CHLSN: variants seen among roughly 807,000 people sequenced by gnomAD.
CHLSN encodes cholesin.
chr7:1,038,572 G>A, the CHLSN span, among the ~76,000 whole-genome samples: 6 of 107,306 alleles, frequency 5.6e-5, no homozygotes, highest in Non-Finnish European at 1.0e-4. Context: ...CCGTCCGGGA[G>A]GTGAGGGGCG....
chr7:1,044,800 C>G, the CHLSN span: 1 of 152,264 alleles, frequency 6.6e-6, no homozygotes. Flanking sequence ...CCGCTGCCCA[C>G]TGCGGGGCTC....
At chr7:1,000,749 C>T in the CHLSN span, among the ~76,000 whole-genome samples, 14 of 152,184 alleles carry the variant, frequency 9.2e-5, no homozygotes, top group African/African-American at 2.2e-4. Flanking sequence ...GCCCTGCTGC[C>T]GCCTGACCAG....
the CHLSN span, among the ~76,000 whole-genome samples, chr7:1,001,593 T>G: frequency 2.5e-5 from 2 of 80,826 alleles, no homozygotes; most frequent in Non-Finnish European, 4.7e-5. Context: ...GTGAGTGGAG[T>G]CCTGCGGGTG....
At chr7:1,002,289 T>C in the CHLSN span, among the ~76,000 whole-genome samples, 1 of 97,248 alleles carries the variant, frequency 1.0e-5, no homozygotes, top group African/African-American at 4.1e-5. Flanking sequence ...GTGAGTGGAA[T>C]CCTGTGGGTG....
the CHLSN span, chr7:987,668 T>C: frequency 1.1e-6 from 1 of 894,808 alleles, no homozygotes; most frequent in Middle Eastern, 3.6e-4. Context: ...ATAAAGGGCG[T>C]CCAGCCAGGA....
At chr7:1,007,391 C>T in the CHLSN span, among the ~76,000 whole-genome samples, 5 of 152,356 alleles carry the variant, frequency 3.3e-5, no homozygotes, top group South Asian at 2.1e-4. Flanking sequence ...GTGGGCCAGC[C>T]GTGGCGTGGC....
chr7:1,131,915 C>T, the CHLSN span, among the ~76,000 whole-genome samples: 2 of 152,178 alleles, frequency 1.3e-5, no homozygotes, highest in African/African-American at 4.8e-5. Flanking sequence ...ATGACGTTTA[C>T]TTTCATTTAC....
the CHLSN span, among the ~76,000 whole-genome samples, chr7:1,099,724 G>A: frequency 6.6e-6 from 1 of 152,248 alleles, no homozygotes; most frequent in Non-Finnish European, 1.5e-5. Flanking sequence ...GGGTCAGGCT[G>A]CCTGGGCGTT....
At chr7:1,137,583 C>G in the CHLSN span, 1 of 152,208 alleles carries the variant, frequency 6.6e-6, no homozygotes, top group African/African-American at 2.4e-5. Flanking sequence ...GAGGATCCAT[C>G]GCTTGAGCCC....
the CHLSN span, among the ~76,000 whole-genome samples, chr7:1,109,920 C>T: frequency 2.0e-5 from 3 of 152,222 alleles, no homozygotes; most frequent in African/African-American, 7.2e-5. Flanking sequence ...CTAACTACCT[C>T]CGCTCTCTCC....
At chr7:990,803 G>C in the CHLSN span, among the ~76,000 whole-genome samples, 19 of 152,004 alleles carry the variant, frequency 1.2e-4, no homozygotes, top group African/African-American at 4.4e-4. Flanking sequence ...GGGTCCTGGC[G>C]CCAGGTGGGG....
the CHLSN span, among the ~76,000 whole-genome samples, chr7:1,052,367 G>A: frequency 6.6e-6 from 1 of 152,230 alleles, no homozygotes; most frequent in African/African-American, 2.4e-5. The surrounding 1 kb of genome is among the most constrained non-coding windows in gnomAD (Gnocchi z 4.2). Context: ...TGCTTGTGCT[G>A]GCACCGACGT....
chr7:1,000,908 T>C, the CHLSN span, among the ~76,000 whole-genome samples: 1 of 152,150 alleles, frequency 6.6e-6, no homozygotes, highest in Non-Finnish European at 1.5e-5. Flanking sequence ...GGGAGCGATG[T>C]AATTGATGAT....
chr7:1,040,590 A>C, the CHLSN span, among the ~76,000 whole-genome samples: 1 of 152,170 alleles, frequency 6.6e-6, no homozygotes. Context: ...AAACTATAAA[A>C]CTTTGATAAG....
chr7:991,054 C>T, the CHLSN span, among the ~76,000 whole-genome samples: 15 of 152,208 alleles, frequency 9.9e-5, no homozygotes, highest in African/African-American at 3.6e-4. Flanking sequence ...GCAGGGGACC[C>T]TCGGGCCCCC....
the CHLSN span, among the ~76,000 whole-genome samples, chr7:1,054,403 G>GA: frequency 6.6e-6 from 1 of 152,230 alleles, no homozygotes; most frequent in African/African-American, 2.4e-5. Context: ...AAACAAAAAT[G>GA]CACACAGGAG....
chr7:1,000,018 G>A, the CHLSN span, among the ~76,000 whole-genome samples: 10 of 152,234 alleles, frequency 6.6e-5, no homozygotes, highest in Middle Eastern at 3.4e-3. Flanking sequence ...ATGCACACAC[G>A]CACGTGTAGA....
chr7:1,011,571 A>C, the CHLSN span, among the ~76,000 whole-genome samples: 1 of 147,288 alleles, frequency 6.8e-6, no homozygotes, highest in African/African-American at 2.6e-5. Context: ...ACACACCCAA[A>C]CACATCCACA....
the CHLSN span, chr7:988,324 A>G: frequency 1.2e-6 from 2 of 1,611,626 alleles, no homozygotes; most frequent in Non-Finnish European, 1.7e-6. Flanking sequence ...TGGATGAGAC[A>G]CAGTGGCAGA....
Sources: allele counts gnomAD v4.1 joint callset (sites outside exome capture counted in the v4.1 genomes callset), GRCh38; gene constraint gnomAD v4.1.1; non-coding constraint Gnocchi (gnomAD v3.1); transcripts MANE v1.5; gene names NCBI Gene and HGNC (gene_info 2026-07-23, HGNC 2026-07-21).